Variants in GPC5 observed in about 807,000 individuals in gnomAD.
The protein encoded by GPC5 is glypican-5.
In GPC5, 47 loss-of-function variants were observed where a neutral mutation model predicts 53.9. The observed-to-expected ratio is 0.87, with a 90% CI of 0.69 to 1.11. GPC5 has a LOEUF of 1.11. Among genes scored for constraint, GPC5 ranks in the 50% most tolerant of loss-of-function variants. GPC5 has a pLI of 0.00. For missense variants in GPC5, 748 were observed against 713.1 expected, an observed-to-expected ratio of 1.05 and a Z score of -0.56; for synonymous variants, 286 against 263.3, an observed-to-expected ratio of 1.09 and a Z score of -0.84.
intron 7 of GPC5, among the ~76,000 whole-genome samples, chr13:92,754,190 C>A (rs372608238): frequency 1.6e-3 from 237 of 152,116 alleles, no homozygotes; most frequent in Middle Eastern, 3.4e-3. Flanking sequence ...TTCTTAAAGA[C>A]AAGAATTTTC....
chr13:92,451,707 T>G (rs1238137940), intron 7 of GPC5, among the ~76,000 whole-genome samples: 1 of 152,214 alleles, frequency 6.6e-6, no homozygotes, highest in East Asian at 1.9e-4. Context: ...ACTTAATGGG[T>G]GTCGATAGAG....
At chr13:92,030,017 T>C (rs2040828717) in intron 6 of GPC5, among the ~76,000 whole-genome samples, 1 of 152,164 alleles carries the variant, frequency 6.6e-6, no homozygotes, top group Non-Finnish European at 1.5e-5. Flanking sequence ...AGAACAGAAA[T>C]GCACAATACC....
Position 92,541,818 on chromosome 13 carries a change from G to T in GPC5, c.1562-324464G>T, listed in dbSNP as rs186851447. 1.4e-3 allele frequency among the ~76,000 whole-genome samples: 208 copies of T among 151,942 alleles called. 1 individual carries two copies. Among genetic ancestry groups the T allele is most frequent in the African/African-American group, 4.7e-3 (194 of 41,514 alleles). ...TTGTGTCATGTAAATTAGAAATCAA[G>T]TTTCATTTTAATTTTTCCACAGGGA... On this transcript the variant is annotated intron_variant, in intron 7 of 7. Transcript: ENST00000377067.
At chr13:92,721,108 A>T (rs1313003723) in intron 7 of GPC5, among the ~76,000 whole-genome samples, 1 of 152,078 alleles carries the variant, frequency 6.6e-6, no homozygotes, top group Non-Finnish European at 1.5e-5. Flanking sequence ...TCCATCCATT[A>T]TACAGAGAAC....
intron 2 of GPC5, among the ~76,000 whole-genome samples, chr13:91,502,294 G>T (rs929039679): frequency 8.6e-5 from 13 of 151,950 alleles, no homozygotes; most frequent in African/African-American, 3.1e-4. Flanking sequence ...CATTGCTTTT[G>T]GTGTTTTAGA....
At chr13:91,616,893 G>A (rs184227898) in intron 2 of GPC5, among the ~76,000 whole-genome samples, 13 of 152,062 alleles carry the variant, frequency 8.5e-5, no homozygotes, top group African/African-American at 3.1e-4. Context: ...CCTTTCACTT[G>A]TCACCTTGCC....
At chr13:92,274,285 C>G (rs1419106244) in intron 7 of GPC5, among the ~76,000 whole-genome samples, 1 of 152,080 alleles carries the variant, frequency 6.6e-6, no homozygotes, top group Non-Finnish European at 1.5e-5. Context: ...TTCTTCTTCT[C>G]TTACTACTCC....
intron 7 of GPC5, among the ~76,000 whole-genome samples, chr13:92,441,336 TG>T (rs1287416477): frequency 6.6e-6 from 1 of 152,236 alleles, no homozygotes; most frequent in Non-Finnish European, 1.5e-5. Context: ...CCCAAAGTGC[TG>T]GGACTACAGG....
chr13:91,465,451 A>G (rs1882176798), intron 2 of GPC5, among the ~76,000 whole-genome samples: 1 of 152,068 alleles, frequency 6.6e-6, no homozygotes, highest in Admixed American at 6.6e-5. Flanking sequence ...CTTCCACTTA[A>G]GTACTACAGT....
At chr13:92,772,236 A>G (rs1875641398) in intron 7 of GPC5, among the ~76,000 whole-genome samples, 1 of 152,150 alleles carries the variant, frequency 6.6e-6, no homozygotes, top group East Asian at 1.9e-4. Context: ...TGCTACAGTG[A>G]TTCATTTATG....
At chr13:91,830,828 T>C (rs1398680460) in intron 5 of GPC5, among the ~76,000 whole-genome samples, 2 of 138,124 alleles carry the variant, frequency 1.4e-5, no homozygotes, top group Non-Finnish European at 3.0e-5. Flanking sequence ...ATATATAATA[T>C]ATATCCTATT....
chr13:92,392,534 A>G (rs1875054822), intron 7 of GPC5, among the ~76,000 whole-genome samples: 3 of 152,204 alleles, frequency 2.0e-5, no homozygotes, highest in African/African-American at 7.2e-5. Context: ...AATTGCAACA[A>G]AAGCAGAAAT....
chr13:92,713,923 GAC>G (rs1888238664), intron 7 of GPC5, among the ~76,000 whole-genome samples: 3 of 152,096 alleles, frequency 2.0e-5, no homozygotes, highest in Admixed American at 6.6e-5. Flanking sequence ...AGCTGTAACA[GAC>G]TTTGTTCCCA....
At chr13:92,763,861 G>T (rs770021974) in intron 7 of GPC5, among the ~76,000 whole-genome samples, 1 of 152,072 alleles carries the variant, frequency 6.6e-6, no homozygotes, top group Non-Finnish European at 1.5e-5. Flanking sequence ...GGGGAGCAGC[G>T]TACTATTGCA....
chr13:92,165,619 C>A (rs2042021769), intron 7 of GPC5, among the ~76,000 whole-genome samples: 1 of 152,152 alleles, frequency 6.6e-6, no homozygotes, highest in South Asian at 2.1e-4. Context: ...AGAACCACCC[C>A]CGTGATTCCG....
At chr13:91,906,952 A>G (rs1388489238) in intron 5 of GPC5, among the ~76,000 whole-genome samples, 1 of 151,126 alleles carries the variant, frequency 6.6e-6, no homozygotes, top group Non-Finnish European at 1.5e-5. Context: ...GTTATGGTTT[A>G]TGATATTGCC....
intron 6 of GPC5, among the ~76,000 whole-genome samples, chr13:91,963,395 C>A (rs2040145046): frequency 6.6e-6 from 1 of 152,148 alleles, no homozygotes; most frequent in African/African-American, 2.4e-5. Context: ...TCTACATGTT[C>A]TCTTACAGAA....
At chr13:92,749,090 A>G (rs775338346) in intron 7 of GPC5, among the ~76,000 whole-genome samples, 4 of 152,184 alleles carry the variant, frequency 2.6e-5, no homozygotes, top group Non-Finnish European at 5.9e-5. Context: ...ACAAGAATAC[A>G]CTGATCTACT....
At chr13:91,465,156 T>C (rs1317013017) in intron 2 of GPC5, among the ~76,000 whole-genome samples, 2 of 152,140 alleles carry the variant, frequency 1.3e-5, no homozygotes, top group Non-Finnish European at 2.9e-5. Flanking sequence ...TTTTAAATTG[T>C]CTATAATCTT....
Sources: gnomAD v4.1 joint callset for allele counts (sites outside exome capture counted in the v4.1 genomes callset) on GRCh38, gnomAD v4.1.1 for gene constraint, MANE v1.5 for transcripts, NCBI Gene and HGNC (gene_info 2026-07-23, HGNC 2026-07-21) for gene names.